The following IQCM variants were observed in gnomAD, a reference collection of about 807,000 sequenced individuals.
IQCM encodes the protein IQ motif containing M, also known as IQ domain-containing protein M.
IQCM carries 45 observed loss-of-function variants against 57.6 expected under a neutral mutation model. The ratio of observed to expected loss-of-function variants is 0.78; its 90% CI spans 0.62 to 1.00. IQCM has a LOEUF of 1.00. Ranked by LOEUF, IQCM falls within the 50% of genes least tolerant of loss-of-function variation. The probability of loss-of-function intolerance (pLI) is 0.00; values close to 1 mark genes in which losing one functional copy is unlikely to be tolerated. For synonymous variants in IQCM, 148 were observed against 158.9 expected (o/e 0.93, Z 0.51); for missense variants, 468 against 511.6 (o/e 0.91, Z 0.82).
chr4:149,793,903 C>T (rs1293585783), intron 2 of IQCM, among the ~76,000 whole-genome samples: 1 of 152,222 alleles, frequency 6.6e-6, no homozygotes, highest in Non-Finnish European at 1.5e-5. Context: ...ACCTTTCTAC[C>T]TCCTAAATCA....
At chr4:149,514,709 A>T (rs918351857) in intron 12 of IQCM, 1 of 152,150 alleles carries the variant, frequency 6.6e-6, no homozygotes, top group East Asian at 1.9e-4. Context: ...ACTCGATTGG[A>T]TTGAAGGATG....
At chr4:149,733,114 C>T (rs945120433) in intron 5 of IQCM, 130 bp downstream of exon 5, 49 of 829,646 alleles carry the variant, frequency 5.9e-5, no homozygotes, top group Middle Eastern at 8.2e-4. Context: ...ATCAGGCCTC[C>T]CTACCTTTCA....
Position 149,563,690 on chromosome 4 carries a change from A to C in IQCM, c.948+2T>G, listed in dbSNP as rs1750348008. Reference sequence around the variant, plus strand: ...CATTATAATATCTGATGGATATCTTACCTTGGTCATTACTCTTTGCAATCT... The same window carrying C: ...CATTATAATATCTGATGGATATCTTCCCTTGGTCATTACTCTTTGCAATCT... On this transcript the variant is annotated splice_donor_variant, in intron 10 of 13. Coordinates refer to ENST00000636793, the MANE Select transcript of IQCM (RefSeq NM_001363507.2). LOFTEE classifies it high-confidence loss of function. The C allele has an allele frequency of 8.1e-7, 1 of 1,230,732 alleles. No homozygotes were observed. The highest frequency in any genetic ancestry group is 4.1e-5 in the South Asian group (1 of 24,290). 76.2% of individuals were successfully genotyped at this position (1,230,732 alleles called of 1,614,324 possible). A position where few individuals can be genotyped will look rare whatever the true frequency, so the allele number is the denominator to read the frequency against.
chr4:149,763,114 A>T (rs1030064609), intron 2 of IQCM, among the ~76,000 whole-genome samples: 2 of 152,040 alleles, frequency 1.3e-5, no homozygotes, highest in Non-Finnish European at 2.9e-5. Flanking sequence ...TCATCCTGAA[A>T]ATATTATGGC....
At chr4:149,641,848 C>T (rs2150116249) in intron 7 of IQCM, among the ~76,000 whole-genome samples, 1 of 152,080 alleles carries the variant, frequency 6.6e-6, no homozygotes, top group East Asian at 1.9e-4. Context: ...AGAGAAACTA[C>T]CTTGGGGATA....
rs146802230 is a variant in IQCM at position 149,504,005 on chromosome 4, A to G, written c.1228+44450T>C. ...AATCACCCAAATAGACCATTAACAAAAGAGGAATTTAAAGTGGTAAGTTTC... is the reference window on the plus strand; with the variant it reads ...AATCACCCAAATAGACCATTAACAAGAGAGGAATTTAAAGTGGTAAGTTTC... On this transcript the variant is annotated intron_variant, in intron 12 of 13. Coordinates refer to ENST00000636793, the MANE Select transcript of IQCM (RefSeq NM_001363507.2). Among the ~76,000 whole-genome samples the G allele has an allele frequency of 1.5e-3, 223 of 152,292 alleles. 1 individual carries two copies. The highest frequency in any genetic ancestry group is 2.6e-3 in the Non-Finnish European group (175 of 68,004).
intron 13 of IQCM, among the ~76,000 whole-genome samples, chr4:149,400,054 T>C (rs984491924): frequency 2.0e-5 from 3 of 152,026 alleles, no homozygotes; most frequent in African/African-American, 7.2e-5. Flanking sequence ...ATCAATACTT[T>C]TGTTGCTTAT....
chr4:149,657,343 G>A (rs1229939316), intron 7 of IQCM, among the ~76,000 whole-genome samples: 3 of 152,070 alleles, frequency 2.0e-5, no homozygotes, highest in Non-Finnish European at 4.4e-5. Context: ...CAAATGACGG[G>A]ATTCATTCTT....
rs1553953463 is a variant in IQCM, at chr4:149,354,382, A to AC, written c.1391-2317_1391-2316insG. 7.3e-5 allele frequency among the ~76,000 whole-genome samples: 10 copies of AC among 136,532 alleles called. 1 individual carries two copies. Among genetic ancestry groups the AC allele is most frequent in the African/African-American group, 1.3e-4 (5 of 38,130 alleles). 89.6% of individuals were successfully genotyped at this position (136,532 alleles called of 152,430 possible). ...CCGTCTCAAAAAAAAAAAAAAAAAA[A>AC]AAAAAAACTGACAAATTAGGCCACA... On this transcript the variant is annotated intron_variant, in intron 13 of 13. Transcript: ENST00000636793.
At chr4:149,492,761 C>A (rs1224494880) in intron 12 of IQCM, among the ~76,000 whole-genome samples, 1 of 152,098 alleles carries the variant, frequency 6.6e-6, no homozygotes, top group Non-Finnish European at 1.5e-5. Context: ...ACAGATGCAA[C>A]TTTCACGAAG....
intron 13 of IQCM, among the ~76,000 whole-genome samples, chr4:149,378,331 A>G (rs551047871): frequency 7.9e-5 from 12 of 152,296 alleles, no homozygotes; most frequent in African/African-American, 2.9e-4. Context: ...GAACAGTTGG[A>G]GGGCTCAGAA....
chr4:149,501,810 G>T (rs1302423232), intron 12 of IQCM, among the ~76,000 whole-genome samples: 1 of 152,146 alleles, frequency 6.6e-6, no homozygotes, highest in Non-Finnish European at 1.5e-5. Flanking sequence ...TGCCCTGCAA[G>T]ACCCAGGGCT....
In IQCM at chr4:149,473,574, T is replaced by C. The variant is rs887313169; in HGVS notation, c.1229-40017A>G. The stretch of plus-strand genomic sequence containing the variant: ...TTGTGGAAGACAGTGTGGTGATTCC[T>C]CAAAGATCTAGAACTAGAAATACCA... On this transcript the variant is annotated intron_variant, in intron 12 of 13. Transcript: ENST00000636793. Among the ~76,000 whole-genome samples the C allele has an allele frequency of 7.2e-5, 11 of 152,350 alleles. No individual in the cohort carries two copies. The East Asian group carries it at 1.3e-3, about 19-fold the overall frequency.
intron 6 of IQCM, among the ~76,000 whole-genome samples, chr4:149,683,981 C>A (rs185219917): frequency 1.3e-5 from 2 of 151,386 alleles, no homozygotes; most frequent in East Asian, 3.9e-4. Flanking sequence ...GCAAAGAAAT[C>A]CAGGCTCACT....
At chr4:149,687,382 T>G (rs764958040) in intron 5 of IQCM, among the ~76,000 whole-genome samples, 10 of 151,128 alleles carry the variant, frequency 6.6e-5, no homozygotes, top group Non-Finnish European at 1.2e-4. Context: ...AACCACAGAT[T>G]GACAATATTC....
rs969923466 is a variant in IQCM at position 149,485,878 on chromosome 4, A to G, written c.1229-52321T>C. ...CCAGGTATTCAAAGAGACTTGGACAATTAGCCCAATAATGCTGTGATTTTT... is the reference window on the plus strand; with the variant it reads ...CCAGGTATTCAAAGAGACTTGGACAGTTAGCCCAATAATGCTGTGATTTTT... On this transcript the variant is annotated intron_variant, in intron 12 of 13. Transcript: ENST00000636793. 2.0e-5 allele frequency among the ~76,000 whole-genome samples: 3 copies of G among 152,140 alleles called. No homozygotes were observed. The South Asian group carries it at 6.2e-4, about 31-fold the overall frequency.
intron 9 of IQCM, among the ~76,000 whole-genome samples, chr4:149,566,289 A>C (rs980704532): frequency 1.3e-5 from 2 of 152,164 alleles, no homozygotes. Context: ...CTGTTATAGA[A>C]ATAGTTAAAT....
chr4:149,414,622 A>G (rs1186894506), intron 13 of IQCM, among the ~76,000 whole-genome samples: 5 of 152,030 alleles, frequency 3.3e-5, no homozygotes, highest in Non-Finnish European at 7.4e-5. Flanking sequence ...TCCCTTTTTA[A>G]GTGCCCCCAT....
At chr4:149,726,364 C>G (rs1765945935) in intron 5 of IQCM, among the ~76,000 whole-genome samples, 1 of 152,134 alleles carries the variant, frequency 6.6e-6, no homozygotes, top group Non-Finnish European at 1.5e-5. Flanking sequence ...GCACTCATGT[C>G]CCTGCCTTTC....
Sources: allele counts gnomAD v4.1 joint callset (sites outside exome capture counted in the v4.1 genomes callset), GRCh38; gene constraint gnomAD v4.1.1; transcripts MANE v1.5; gene names NCBI Gene and HGNC (gene_info 2026-07-23, HGNC 2026-07-21).